The following PRDM1 variants were observed in gnomAD, a reference collection of about 807,000 sequenced individuals.
PRDM1 encodes PR domain zinc finger protein 1.
Under a neutral mutation model 62.8 loss-of-function variants are expected in PRDM1, and 13 were observed. The observed-to-expected ratio is 0.21, with a 90% CI of 0.13 to 0.33. The LOEUF is 0.33. PRDM1 is among the 10% of genes least tolerant of loss of function. The pLI is 1.00. For synonymous variants in PRDM1, 396 were observed against 417.6 expected (o/e 0.95, Z 0.63); for missense variants, 895 against 1,058.8 (o/e 0.85, Z 2.15).
chr6:106,051,892 G>GA (rs1205988808), intron 1 of PRDM1, among the ~76,000 whole-genome samples: 5 of 152,018 alleles, frequency 3.3e-5, no homozygotes, highest in Admixed American at 6.5e-5. Flanking sequence ...GAATTTACAC[G>GA]AAAAAATTAA....
At chr6:106,061,894 A>T (rs1379932690) in intron 1 of PRDM1, among the ~76,000 whole-genome samples, 1 of 152,234 alleles carries the variant, frequency 6.6e-6, no homozygotes, top group African/African-American at 2.4e-5. Context: ...GAAGTGACAG[A>T]CTTTAAAGCA....
intron 1 of PRDM1, among the ~76,000 whole-genome samples, chr6:105,997,862 ACTTT>A (rs1372315562): frequency 6.6e-6 from 1 of 152,230 alleles, no homozygotes; most frequent in African/African-American, 2.4e-5. Flanking sequence ...AAGGAACTAT[ACTTT>A]CTATTTCAGT....
At chr6:106,059,783 G>A (rs985703014) in intron 1 of PRDM1, among the ~76,000 whole-genome samples, 2 of 152,182 alleles carry the variant, frequency 1.3e-5, no homozygotes, top group Non-Finnish European at 2.9e-5. Context: ...GGAGGATTTG[G>A]CAAATATTTG....
Position 106,098,819 on chromosome 6 carries a change from T to C in PRDM1, c.412-481T>C. On this transcript the variant is annotated intron_variant, in intron 3 of 6. Transcript: ENST00000369096. Reference sequence around the variant, plus strand: ...ATAGTTGAAGCCTTGGGCGGGGGTGTAGGAAACGGCGAGTACAGAGGCCAT... The same window carrying C: ...ATAGTTGAAGCCTTGGGCGGGGGTGCAGGAAACGGCGAGTACAGAGGCCAT... 2.0e-6 allele frequency: 3 copies of C among 1,522,614 alleles called. No individual in the cohort carries two copies. In the South Asian group the frequency reaches 3.6e-5, roughly 18 times the overall value. The allele number at this position is 1,522,614 out of a possible 1,614,324, so 94.3% of individuals were successfully genotyped here.
In PRDM1 at chr6:106,086,470, C is replaced by T; in HGVS notation, c.-84C>T. On this transcript the variant is annotated 5_prime_UTR_variant, in exon 1 of 7. Transcript: ENST00000369096. Reference sequence around the variant, plus strand: ...GCCGGACGAAGCGAGGAGGGACCGCCGAGGTGCGCGTCTGTGCGGCTCAGC... The same window carrying T: ...GCCGGACGAAGCGAGGAGGGACCGCTGAGGTGCGCGTCTGTGCGGCTCAGC... 1 of 1,379,046 alleles carries T rather than the reference C, an allele frequency of 7.3e-7. No individual in the cohort carries two copies. The highest frequency in any genetic ancestry group is 1.0e-6 in the Non-Finnish European group (1 of 1,003,232). The allele number at this position is 1,379,046 out of a possible 1,614,324, so 85.4% of individuals were successfully genotyped here.
chr6:106,055,872 T>C (rs891463539), intron 1 of PRDM1, among the ~76,000 whole-genome samples: 1 of 152,210 alleles, frequency 6.6e-6, no homozygotes, highest in African/African-American at 2.4e-5. Context: ...CTGTTGTTAC[T>C]TCAAGGCACA....
rs889839604 is a variant in PRDM1 at position 106,107,574 on chromosome 6, C to T, written c.*88C>T. On this transcript the variant is annotated 3_prime_UTR_variant, in exon 7 of 7. Transcript: ENST00000369096. ...GGAAGTGGCTTGTACATAATCCCAG[C>T]TCTGCAAAGCTCTCTCGACAGCAAA... The T allele has an allele frequency of 3.8e-5, 44 of 1,159,740 alleles. No homozygotes were observed. Among genetic ancestry groups the T allele is most frequent in the Non-Finnish European group, 4.9e-5 (41 of 835,546 alleles). 71.8% of individuals were successfully genotyped at this position (1,159,740 alleles called of 1,614,324 possible). A position where few individuals can be genotyped will look rare whatever the true frequency, so the allele number is the denominator to read the frequency against.
intron 1 of PRDM1, among the ~76,000 whole-genome samples, chr6:106,020,097 G>A (rs1218490954): frequency 3.3e-5 from 5 of 150,554 alleles, no homozygotes; most frequent in Non-Finnish European, 5.9e-5. Context: ...TGTGGGTGGC[G>A]TGCACCTGTA....
rs76009066 is a variant in PRDM1, at chr6:106,017,842, A to T, written c.-67+24203A>T. Among the ~76,000 whole-genome samples the T allele has an allele frequency of 6.4e-3, 970 of 152,150 alleles. 7 individuals carry two copies. Among genetic ancestry groups the T allele is most frequent in the African/African-American group, 0.023 (937 of 41,492 alleles). On this transcript the variant is annotated intron_variant, in intron 1 of 6. Transcript: ENST00000652320. ...AAAGGCCAGGCCCACTTTTTGAATG[A>T]GAAATAAAGCCTGGGGTGGGCTGAG... is the stretch of plus-strand genomic sequence containing the variant.
At chr6:106,101,349 G>T (rs1217280774) in intron 4 of PRDM1, among the ~76,000 whole-genome samples, 3 of 152,082 alleles carry the variant, frequency 2.0e-5, no homozygotes, top group South Asian at 2.1e-4. Context: ...GGGTTTAAAG[G>T]CCTGGCGTTT....
intron 1 of PRDM1, among the ~76,000 whole-genome samples, chr6:106,008,127 C>G (rs1772504210): frequency 6.6e-6 from 1 of 152,178 alleles, no homozygotes; most frequent in Non-Finnish European, 1.5e-5. Flanking sequence ...AATCCCAACA[C>G]TTTGGGAGGC....
chr6:106,000,357 A>C (rs1040140176), intron 1 of PRDM1, among the ~76,000 whole-genome samples: 1 of 152,206 alleles, frequency 6.6e-6, no homozygotes, highest in Admixed American at 6.5e-5. Context: ...CTGAGGTAGG[A>C]GGATCGCTTG....
In PRDM1 at chr6:106,108,078, A is replaced by ATGT. The variant is rs1774556468; in HGVS notation, c.*595_*597dup. On this transcript the variant is annotated 3_prime_UTR_variant, in exon 7 of 7. Coordinates refer to ENST00000369096, the MANE Select transcript of PRDM1 (RefSeq NM_001198.4). ...GAAAATGAGGTTTGGGTAATTGCCAATGTTGGACAGTTGATGTGTTCATTC... is the reference window on the plus strand; with the variant it reads ...GAAAATGAGGTTTGGGTAATTGCCAATGTTGTTGGACAGTTGATGTGTTCATTC... 4.3e-6 allele frequency: 1 copy of ATGT among 233,330 alleles called. No individual in the cohort carries two copies. Among genetic ancestry groups the ATGT allele is most frequent in the African/African-American group, 2.2e-5 (1 of 45,306 alleles). 14.5% of individuals were successfully genotyped at this position (233,330 alleles called of 1,614,324 possible). A position where few individuals can be genotyped will look rare whatever the true frequency, so the allele number is the denominator to read the frequency against.
At chr6:106,067,080 AG>A (rs1172558282) in intron 1 of PRDM1, among the ~76,000 whole-genome samples, 1 of 152,196 alleles carries the variant, frequency 6.6e-6, no homozygotes, top group Non-Finnish European at 1.5e-5. Flanking sequence ...GCATGTAAAT[AG>A]TAGAGCCAAG....
intron 1 of PRDM1, among the ~76,000 whole-genome samples, chr6:106,000,021 T>G (rs1399862857): frequency 6.6e-6 from 1 of 151,998 alleles, no homozygotes. Flanking sequence ...GGCTAATTTT[T>G]TATATTTTTA....
chr6:106,095,043 G>GAA (rs749151274), intron 2 of PRDM1, among the ~76,000 whole-genome samples: 11 of 129,450 alleles, frequency 8.5e-5, no homozygotes, highest in South Asian at 2.5e-4. Flanking sequence ...TACAAGCTAT[G>GAA]AAAAAAAAAA....
chr6:106,046,994 T>C (rs910236589), upstream of PRDM1, among the ~76,000 whole-genome samples: 1 of 152,220 alleles, frequency 6.6e-6, no homozygotes, highest in East Asian at 1.9e-4. Flanking sequence ...TATCACTTCT[T>C]TACTGATATA....
In PRDM1 at chr6:106,105,588, G is replaced by A. The variant is rs751081693; in HGVS notation, c.1428G>A (p.Arg476=). 1 of 1,613,142 alleles carries A rather than the reference G, an allele frequency of 6.2e-7. No homozygotes were observed. The highest frequency in any genetic ancestry group is 8.5e-7 in the Non-Finnish European group (1 of 1,179,304). Residue 476 remains arginine (R), a synonymous_variant, in exon 5 of 7, where the codon CGG becomes CGA. Transcript: ENST00000369096. ...GCTCGCTGCCCTCAGATGGAGCCCG[G>A]AGGTTGCTCCAGCCGGAGCATCCCA... is the stretch of plus-strand genomic sequence containing the variant. The part of the protein sequence containing the change: ...LPSSLPSDGA[R]RLLQPEHPRE...
intron 1 of PRDM1, among the ~76,000 whole-genome samples, chr6:106,029,847 G>A (rs1046656181): frequency 5.3e-5 from 8 of 151,956 alleles, no homozygotes; most frequent in Admixed American, 4.6e-4. Flanking sequence ...TCGAACCCCT[G>A]GGCTCAAGCA....
Sources: allele counts gnomAD v4.1 joint callset (sites outside exome capture counted in the v4.1 genomes callset), GRCh38; gene constraint gnomAD v4.1.1; transcripts MANE v1.5; gene names NCBI Gene and HGNC (gene_info 2026-07-23, HGNC 2026-07-21).